The following TRIM58 variants were observed in gnomAD, a reference collection of about 807,000 sequenced individuals.
TRIM58 encodes tripartite motif containing 58.
TRIM58 carries 38 observed loss-of-function variants against 34.1 expected under a neutral mutation model. The observed-to-expected ratio is 1.12, with a 90% CI of 0.86 to 1.46. The LOEUF (loss-of-function observed/expected upper bound fraction) is 1.46. TRIM58 is among the 40% of genes most tolerant of loss of function. The probability of loss-of-function intolerance (pLI) is 0.00; values close to 1 mark genes in which losing one functional copy is unlikely to be tolerated. For missense variants in TRIM58, 677 were observed against 642.0 expected (o/e 1.05, Z -0.59); for synonymous variants, 273 against 275.7 (o/e 0.99, Z 0.10).
chr1:247,862,988 C>T (rs1663831321), intron 2 of TRIM58, among the ~76,000 whole-genome samples: 1 of 152,104 alleles, frequency 6.6e-6, no homozygotes, highest in South Asian at 2.1e-4. Flanking sequence ...TTTGCCCCAC[C>T]CCACGACAGC....
intron 5 of TRIM58, among the ~76,000 whole-genome samples, chr1:247,875,541 GTC>G (rs373948554): frequency 1.2e-3 from 184 of 147,910 alleles, no homozygotes; most frequent in African/African-American, 2.7e-3. Context: ...CCGTCTCTCT[GTC>G]TCTCTCTCTC....
intron 5 of TRIM58, among the ~76,000 whole-genome samples, chr1:247,872,782 AGTG>A (rs1285910170): frequency 6.6e-6 from 1 of 152,140 alleles, no homozygotes. Context: ...AGGTTTCTCC[AGTG>A]GTGGTGGTGG....
At chr1:247,874,799 C>T (rs1448194239) in intron 5 of TRIM58, among the ~76,000 whole-genome samples, 1 of 152,190 alleles carries the variant, frequency 6.6e-6, no homozygotes, top group Non-Finnish European at 1.5e-5. Flanking sequence ...TTTCTCAAGG[C>T]CCAAATATGG....
rs376987385 is a variant in TRIM58 at position 247,876,458 on chromosome 1, C to A, written c.1430C>A (p.Pro477His). Residue 477 changes from proline to histidine, a missense_variant, in exon 6 of 6, where the codon CCT becomes CAT. By Grantham distance (77) the Pro-to-His change is moderately conservative (BLOSUM62 -2). Coordinates refer to ENST00000366481, the MANE Select transcript of TRIM58 (RefSeq NM_015431.4). ...TGGGCATCCAGGGATCATTTAGATCCTGCTTCTGATGTAAGAGATGATCAT... is the reference window on the plus strand; with the variant it reads ...TGGGCATCCAGGGATCATTTAGATCATGCTTCTGATGTAAGAGATGATCAT... ...GNWASRDHLDPASDVRDDHL is the reference protein window; with the variant it reads ...GNWASRDHLDHASDVRDDHL 16 of 1,614,038 alleles carry A rather than the reference C, an allele frequency of 9.9e-6. No individual in the cohort carries two copies. In the African/African-American group the frequency reaches 2.1e-4, roughly 22 times the overall value.
intron 5 of TRIM58, among the ~76,000 whole-genome samples, chr1:247,871,203 A>G (rs1044166370): frequency 5.9e-5 from 9 of 152,210 alleles, no homozygotes; most frequent in African/African-American, 2.2e-4. Flanking sequence ...AATTGCTTGG[A>G]GGACAAAATG....
chr1:247,876,484 C>G lies in TRIM58; in HGVS notation c.1456C>G (p.Leu486Val), dbSNP rs1452515845. The G allele has an allele frequency of 6.2e-7, 1 of 1,611,520 alleles. No individual in the cohort carries two copies. Among genetic ancestry groups the G allele is most frequent in the Admixed American group, 1.7e-5 (1 of 59,794 alleles). ...DPASDVRDDH[L>V] is the part of the protein sequence containing the mutation. Reference sequence around the variant, plus strand: ...TGCTTCTGATGTAAGAGATGATCATCTCTAAAATTCTGTTCCCAAGATGCA... The same window carrying G: ...TGCTTCTGATGTAAGAGATGATCATGTCTAAAATTCTGTTCCCAAGATGCA... Residue 486 changes from leucine (L) to valine (V), a missense_variant, in exon 6 of 6, where the codon CTC becomes GTC. By Grantham distance (32) the Leu-to-Val change is conservative. Transcript: ENST00000366481.
At chr1:247,873,840 T>A (rs1659204439) in intron 5 of TRIM58, among the ~76,000 whole-genome samples, 1 of 152,076 alleles carries the variant, frequency 6.6e-6, no homozygotes, top group Non-Finnish European at 1.5e-5. Flanking sequence ...CATGGTGGTG[T>A]GTGCCTTCCC....
chr1:247,875,504 C>T (rs374659774), intron 5 of TRIM58, among the ~76,000 whole-genome samples: 17 of 152,094 alleles, frequency 1.1e-4, no homozygotes, highest in South Asian at 4.1e-4. Context: ...TAGCTCTGCA[C>T]TCCAGCCTGG....
Position 247,857,474 on chromosome 1 carries a change from G to A in TRIM58, c.228G>A (p.Ala76=). The change falls in exon 1 of 6, where the codon GCG becomes GCA. Residue 76 remains alanine (A), a synonymous_variant. Transcript: ENST00000366481. ...PSGFRPNRQL[A]GLVESVRRLG... is the part of the protein sequence containing the mutation. The stretch of plus-strand genomic sequence containing the variant: ...GCTTTCGCCCCAACCGGCAGCTGGC[G>A]GGCCTGGTGGAGAGCGTGCGGCGGC... The A allele has an allele frequency of 2.9e-6, 4 of 1,361,820 alleles. No homozygotes were observed. The highest frequency in any genetic ancestry group is 3.8e-6 in the Non-Finnish European group (4 of 1,053,444). The allele number at this position is 1,361,820 out of a possible 1,614,324, so 84.4% of individuals were successfully genotyped here.
chr1:247,859,665 T>G (rs1000378028), intron 1 of TRIM58, among the ~76,000 whole-genome samples: 10 of 152,094 alleles, frequency 6.6e-5, no homozygotes, highest in African/African-American at 2.4e-4. Context: ...AAGTTCCTTC[T>G]GACCTAATAA....
At chr1:247,870,076 T>G (rs1436824032) in intron 5 of TRIM58, among the ~76,000 whole-genome samples, 1 of 152,192 alleles carries the variant, frequency 6.6e-6, no homozygotes, top group Non-Finnish European at 1.5e-5. Flanking sequence ...GATAGACTTG[T>G]CTGTCTTCCT....
In TRIM58 at chr1:247,879,428, A is replaced by G. The variant is rs1043750575; in HGVS notation, c.*2939A>G. 1.3e-5 allele frequency among the ~76,000 whole-genome samples: 2 copies of G among 151,452 alleles called. No individual in the cohort carries two copies. The highest frequency in any genetic ancestry group is 2.9e-5 in the Non-Finnish European group (2 of 67,902). ...TCCTGCTTGGGCTCTAGGCCCTTCCACTCCCATTCTCTCTACAGCAGCTGG... is the reference window on the plus strand; with the variant it reads ...TCCTGCTTGGGCTCTAGGCCCTTCCGCTCCCATTCTCTCTACAGCAGCTGG... On this transcript the variant is annotated 3_prime_UTR_variant, in exon 6 of 6. Coordinates refer to ENST00000366481, the MANE Select transcript of TRIM58 (RefSeq NM_015431.4).
intron 5 of TRIM58, among the ~76,000 whole-genome samples, chr1:247,874,752 A>C (rs994456107): frequency 3.3e-5 from 5 of 152,206 alleles, no homozygotes; most frequent in African/African-American, 9.7e-5. Flanking sequence ...TGAAGACCAG[A>C]CATCCAAGTG....
At chr1:247,861,781 A>G (rs1255093290) in intron 2 of TRIM58, among the ~76,000 whole-genome samples, 1 of 152,144 alleles carries the variant, frequency 6.6e-6, no homozygotes, top group Non-Finnish European at 1.5e-5. Context: ...ACTAGATTAC[A>G]ATATAGATAT....
chr1:247,876,602 T>C lies in TRIM58; in HGVS notation c.*113T>C. Reference sequence around the variant, plus strand: ...CCCATTTAGGTCAGCACTTGATTCGTTGTTGCTGTGAAATATGTCCATGGG... The same window carrying C: ...CCCATTTAGGTCAGCACTTGATTCGCTGTTGCTGTGAAATATGTCCATGGG... On this transcript the variant is annotated 3_prime_UTR_variant, in exon 6 of 6. Transcript: ENST00000366481. 1 of 764,204 alleles carries C rather than the reference T, an allele frequency of 1.3e-6. No individual in the cohort carries two copies. The highest frequency in any genetic ancestry group is 2.1e-6 in the Non-Finnish European group (1 of 481,594). 47.3% of individuals were successfully genotyped at this position (764,204 alleles called of 1,614,324 possible). A position where few individuals can be genotyped will look rare whatever the true frequency, so the allele number is the denominator to read the frequency against.
At chr1:247,861,875 G>A (rs1663801128) in intron 2 of TRIM58, among the ~76,000 whole-genome samples, 1 of 152,126 alleles carries the variant, frequency 6.6e-6, no homozygotes. Context: ...TGTAATCTCA[G>A]CACTTTGGGA....
rs1277629989 is a variant in TRIM58, at chr1:247,857,397, C to T, written c.151C>T (p.Gln51Ter). 1 of 1,523,440 alleles carries T rather than the reference C, an allele frequency of 6.6e-7. No individual in the cohort carries two copies. The highest frequency in any genetic ancestry group is 1.4e-5 in the African/African-American group (1 of 70,266). The allele number at this position is 1,523,440 out of a possible 1,614,324, so 94.4% of individuals were successfully genotyped here. ...GTTCTGCGAGAAGTCGGACGGCGCG[C>T]AGGGCGGCGTCTACGCCTGTCCGCA... ...SEFCEKSDGA[Q>*]GGVYACPQCR... The change falls in exon 1 of 6, where the codon CAG becomes TAG. Residue 51 changes from glutamine to a stop codon, truncating the protein, a stop_gained. Coordinates refer to ENST00000366481, the MANE Select transcript of TRIM58 (RefSeq NM_015431.4). LOFTEE classifies it high-confidence loss of function.
intron 5 of TRIM58, among the ~76,000 whole-genome samples, chr1:247,872,214 A>T (rs1276224842): frequency 6.6e-6 from 1 of 152,272 alleles, no homozygotes; most frequent in Non-Finnish European, 1.5e-5. Context: ...ATGTTTTATG[A>T]GGATCACTCT....
At chr1:247,869,117 C>T (rs1195698896) in intron 5 of TRIM58, among the ~76,000 whole-genome samples, 1 of 152,174 alleles carries the variant, frequency 6.6e-6, no homozygotes, top group Non-Finnish European at 1.5e-5. Flanking sequence ...CCAGGCTGGT[C>T]TCGAACTCCT....
Sources: allele counts gnomAD v4.1 joint callset (sites outside exome capture counted in the v4.1 genomes callset), GRCh38; gene constraint gnomAD v4.1.1; transcripts MANE v1.5; gene names NCBI Gene and HGNC (gene_info 2026-07-23, HGNC 2026-07-21).